Variants in COL5A2 observed in about 807,000 individuals in gnomAD.
COL5A2 encodes collagen alpha-2(V) chain.
In COL5A2, 23 loss-of-function variants were observed where a neutral mutation model predicts 208.2. The ratio of observed to expected loss-of-function variants is 0.11; its 90% CI spans 0.08 to 0.16. The LOEUF is 0.16. Ranked by LOEUF, COL5A2 falls within the 10% of genes least tolerant of loss-of-function variation. The pLI, the probability that COL5A2 is intolerant of heterozygous loss-of-function variation, is 1.00. For synonymous variants in COL5A2, 625 were observed against 628.5 expected (o/e 0.99, Z 0.08); for missense variants, 1,590 against 1,956.4 (o/e 0.81, Z 3.53).
chr2:189,304,100 G>A, the COL5A2 span, among the ~76,000 whole-genome samples: 2 of 152,070 alleles, frequency 1.3e-5, no homozygotes, highest in Non-Finnish European at 2.9e-5. Context: ...GTATAACTAT[G>A]AGTTTTTTTC....
the COL5A2 span, among the ~76,000 whole-genome samples, chr2:189,432,126 C>T: frequency 6.6e-6 from 1 of 152,146 alleles, no homozygotes; most frequent in Non-Finnish European, 1.5e-5. Context: ...GAAATGAAAT[C>T]CTTTACCGAC....
the COL5A2 span, among the ~76,000 whole-genome samples, chr2:189,326,414 G>A: frequency 6.6e-6 from 1 of 152,096 alleles, no homozygotes; most frequent in Non-Finnish European, 1.5e-5. Context: ...GGTTATTTAG[G>A]TCAGGTGTAA....
the COL5A2 span, among the ~76,000 whole-genome samples, chr2:189,344,982 A>G: frequency 6.6e-6 from 1 of 152,246 alleles, no homozygotes; most frequent in Non-Finnish European, 1.5e-5. Flanking sequence ...ATCACACAAA[A>G]AGCCAATTTT....
chr2:189,324,750 A>T, the COL5A2 span, among the ~76,000 whole-genome samples: 4 of 152,330 alleles, frequency 2.6e-5, no homozygotes, highest in Admixed American at 2.0e-4. Flanking sequence ...ATTGTGGAAG[A>T]CAGTGTGGTG....
Position 189,067,598 on chromosome 2 carries a change from ATATT to A in COL5A2, c.1401+413_1401+416del, listed in dbSNP as rs1271997557. Among the ~76,000 whole-genome samples the A allele has an allele frequency of 5.3e-5, 8 of 152,194 alleles. No individual in the cohort carries two copies. In the South Asian group the frequency reaches 8.3e-4, roughly 16 times the overall value. ...CAATCTGACATTCAATCTGATTAAT[ATATT>A]TGAATCACTCTTTAACAATAACTCT... is the stretch of plus-strand genomic sequence containing the variant. On this transcript the variant is annotated intron_variant, in intron 21 of 53. Coordinates refer to ENST00000374866, the MANE Select transcript of COL5A2 (RefSeq NM_000393.5).
the COL5A2 span, among the ~76,000 whole-genome samples, chr2:189,239,265 T>C: frequency 6.6e-6 from 1 of 152,032 alleles, no homozygotes; most frequent in African/African-American, 2.4e-5. Context: ...TATAATAGAA[T>C]AATGGCCTCA....
the COL5A2 span, among the ~76,000 whole-genome samples, chr2:189,413,372 T>C: frequency 6.6e-6 from 1 of 152,088 alleles, no homozygotes; most frequent in Non-Finnish European, 1.5e-5. Flanking sequence ...AATTTATGGT[T>C]ACAAGAGCCC....
At chr2:189,352,485 C>T in the COL5A2 span, among the ~76,000 whole-genome samples, 2 of 152,120 alleles carry the variant, frequency 1.3e-5, no homozygotes, top group South Asian at 4.1e-4. Context: ...TTAATGATCG[C>T]CATTCTAACT....
the COL5A2 span, among the ~76,000 whole-genome samples, chr2:189,273,010 G>A: frequency 1.3e-5 from 2 of 152,072 alleles, no homozygotes; most frequent in African/African-American, 4.8e-5. Flanking sequence ...GGTACAAATA[G>A]CTCTTCTTTA....
chr2:189,318,964 A>G, the COL5A2 span, among the ~76,000 whole-genome samples: 126 of 152,292 alleles, frequency 8.3e-4, 1 homozygote, highest in African/African-American at 3.0e-3. Flanking sequence ...TGCACTTCTC[A>G]AAGTATTCAT....
intron 1 of COL5A2, among the ~76,000 whole-genome samples, chr2:189,219,879 C>A (rs944520399): frequency 2.0e-5 from 3 of 152,024 alleles, no homozygotes; most frequent in East Asian, 1.9e-4. Context: ...GAGTGCCCCC[C>A]CCCCACTCTT....
At chr2:189,207,769 G>T (rs1369718205) in intron 1 of COL5A2, among the ~76,000 whole-genome samples, 1 of 152,104 alleles carries the variant, frequency 6.6e-6, no homozygotes, top group Non-Finnish European at 1.5e-5. Context: ...GATCATTAAT[G>T]AGGTCACTAA....
At chr2:189,323,164 C>T in the COL5A2 span, among the ~76,000 whole-genome samples, 146 of 152,250 alleles carry the variant, frequency 9.6e-4, 3 homozygotes, top group Middle Eastern at 0.014. Context: ...ACTGATGGGA[C>T]GTATCTCAAA....
chr2:189,256,771 GA>G, the COL5A2 span, among the ~76,000 whole-genome samples: 1 of 152,234 alleles, frequency 6.6e-6, no homozygotes, highest in Non-Finnish European at 1.5e-5. Flanking sequence ...GGGACTACAG[GA>G]GCACACCACC....
intron 1 of COL5A2, among the ~76,000 whole-genome samples, chr2:189,179,090 T>C (rs944336566): frequency 1.3e-5 from 2 of 152,206 alleles, no homozygotes; most frequent in African/African-American, 4.8e-5. Context: ...ATGAAGCAGC[T>C]GAAGTTCAGT....
chr2:189,440,607 C>A, the COL5A2 span, among the ~76,000 whole-genome samples: 2 of 152,090 alleles, frequency 1.3e-5, no homozygotes, highest in African/African-American at 4.8e-5. Flanking sequence ...TGTGGTAAAT[C>A]CACAAATCAA....
chr2:189,322,660 C>G, the COL5A2 span, among the ~76,000 whole-genome samples: 3 of 152,058 alleles, frequency 2.0e-5, no homozygotes, highest in Non-Finnish European at 4.4e-5. Flanking sequence ...ACCAATAACA[C>G]ACTCTGAAAT....
chr2:189,043,258 C>T lies in COL5A2; in HGVS notation c.3364G>A (p.Gly1122Arg). The change falls in exon 48 of 54, where the codon GGA becomes AGA. Residue 1122 changes from glycine (G) to arginine (R), a missense_variant and splice_region_variant. By Grantham distance (125) the Gly-to-Arg change is moderately radical (BLOSUM62 -2). Coordinates refer to ENST00000374866, the MANE Select transcript of COL5A2 (RefSeq NM_000393.5). ...PGRAGKRGLP[G>R]PQGPRGDKGD... is the part of the protein sequence containing the mutation. ...TTGTCACCACGAGGTCCTTGGGGTC[C>T]CTAGAAATAGAGATATGGCATGAAA... The T allele has an allele frequency of 6.2e-7, 1 of 1,604,758 alleles. No homozygotes were observed.
upstream of COL5A2, among the ~76,000 whole-genome samples, chr2:189,180,922 T>C (rs552954442): frequency 5.5e-4 from 84 of 152,312 alleles, 1 homozygote; most frequent in Middle Eastern, 6.8e-3. Flanking sequence ...TTCTATACAA[T>C]ACAAGTGAGT....
Sources: allele counts gnomAD v4.1 joint callset (sites outside exome capture counted in the v4.1 genomes callset), GRCh38; gene constraint gnomAD v4.1.1; transcripts MANE v1.5; gene names NCBI Gene and HGNC (gene_info 2026-07-23, HGNC 2026-07-21).